LPP: variants seen among roughly 807,000 people sequenced by gnomAD.
The protein encoded by LPP is lipoma-preferred partner.
Under a neutral mutation model 60.4 loss-of-function variants are expected in LPP, and 38 were observed. The observed-to-expected ratio is 0.63, with a 90% CI of 0.49 to 0.83. LPP has a LOEUF of 0.83. Among genes scored for constraint, LPP ranks in the 40% least tolerant of loss-of-function variants. LPP has a pLI of 0.00. For synonymous variants in LPP, 328 were observed against 290.8 expected, an observed-to-expected ratio of 1.13 and a Z score of -1.30; for missense variants, 902 against 783.6, an observed-to-expected ratio of 1.15 and a Z score of -1.80.
At chr3:188,495,170 A>T (rs59082357) in intron 5 of LPP, among the ~76,000 whole-genome samples, 91,138 of 127,222 alleles carry the variant, frequency 0.72, 32,285 homozygotes, top group Middle Eastern at 0.89. Flanking sequence ...ATTTATATAT[A>T]TTTATAAATA....
chr3:188,667,906 G>T (rs561202206), intron 7 of LPP, among the ~76,000 whole-genome samples: 1 of 151,848 alleles, frequency 6.6e-6, no homozygotes, highest in Non-Finnish European at 1.5e-5. Flanking sequence ...AAGCCTTGAT[G>T]GTTGGAAATT....
intron 4 of LPP, among the ~76,000 whole-genome samples, chr3:188,465,619 G>A (rs1800191542): frequency 6.6e-6 from 1 of 152,122 alleles, no homozygotes; most frequent in African/African-American, 2.4e-5. Context: ...ATCTAGTTCA[G>A]TTTTGTCTAA....
intron 5 of LPP, among the ~76,000 whole-genome samples, chr3:188,500,173 T>C (rs1811414059): frequency 1.3e-5 from 2 of 152,232 alleles, no homozygotes; most frequent in South Asian, 4.1e-4. Flanking sequence ...CTGGTATTCC[T>C]AATCTTAGAG....
At chr3:188,168,754 A>T (rs1344639836) in intron 1 of LPP, among the ~76,000 whole-genome samples, 1 of 152,266 alleles carries the variant, frequency 6.6e-6, no homozygotes, top group Non-Finnish European at 1.5e-5. Context: ...TCTTGTTTAA[A>T]GTCAATTAAG....
In LPP at chr3:188,509,703, C is replaced by CT. The variant is rs1232780741; in HGVS notation, c.307-14949dup. On this transcript the variant is annotated intron_variant, in intron 5 of 11. Coordinates refer to ENST00000617246, the MANE Select transcript of LPP (RefSeq NM_001375462.1). ...CTTCCTTCCTCTCTCTCTCTCTTTT[C>CT]TTTTTTTTTTTTTGAGTCTCACTCT... Among the ~76,000 whole-genome samples, 80 of 93,312 alleles carry CT rather than the reference C, an allele frequency of 8.6e-4. 10 individuals carry two copies. The highest frequency in any genetic ancestry group is 2.9e-3 in the South Asian group (8 of 2,776). 61.2% of individuals were successfully genotyped at this position (93,312 alleles called of 152,430 possible).
chr3:188,416,879 G>C (rs1257208950), intron 4 of LPP, among the ~76,000 whole-genome samples: 4 of 151,994 alleles, frequency 2.6e-5, no homozygotes, highest in Non-Finnish European at 5.9e-5. Context: ...GGTCACAGTA[G>C]GCCTATGTAA....
intron 1 of LPP, among the ~76,000 whole-genome samples, chr3:188,214,415 G>A (rs914189070): frequency 3.3e-5 from 5 of 152,214 alleles, no homozygotes; most frequent in African/African-American, 7.2e-5. Context: ...ACAGGCATGA[G>A]CTGCTGCACC....
chr3:188,334,413 T>C (rs1272603021), intron 2 of LPP, among the ~76,000 whole-genome samples: 1 of 145,204 alleles, frequency 6.9e-6, no homozygotes. Context: ...GATCTTACGA[T>C]ATTTCTTTCT....
At chr3:188,460,134 A>G (rs1331161842) in intron 4 of LPP, among the ~76,000 whole-genome samples, 1 of 152,164 alleles carries the variant, frequency 6.6e-6, no homozygotes, top group East Asian at 1.9e-4. Flanking sequence ...ATTTACAGAC[A>G]TCTTTCTATT....
At chr3:188,216,038 G>T (rs1365700378) in intron 1 of LPP, among the ~76,000 whole-genome samples, 1 of 152,020 alleles carries the variant, frequency 6.6e-6, no homozygotes, top group Admixed American at 6.6e-5. Flanking sequence ...CTTATTTTTT[G>T]TATCCCTTTC....
At chr3:188,573,568 T>C (rs1833974067) in intron 6 of LPP, among the ~76,000 whole-genome samples, 1 of 152,132 alleles carries the variant, frequency 6.6e-6, no homozygotes, top group Non-Finnish European at 1.5e-5. Flanking sequence ...ATTTAACCTT[T>C]CTATTTTGGG....
intron 5 of LPP, among the ~76,000 whole-genome samples, chr3:188,490,509 C>T (rs776087421): frequency 1.8e-4 from 27 of 151,572 alleles, no homozygotes; most frequent in Non-Finnish European, 2.5e-4. Flanking sequence ...TTTATAAGCA[C>T]GCCCCACCAA....
At chr3:188,674,538 C>A (rs968492471) in intron 7 of LPP, among the ~76,000 whole-genome samples, 2 of 152,146 alleles carry the variant, frequency 1.3e-5, no homozygotes, top group East Asian at 3.8e-4. Context: ...AACACTGCTG[C>A]ACCGAAGCTC....
chr3:188,842,104 G>A (rs1021035952), intron 9 of LPP, among the ~76,000 whole-genome samples: 2 of 152,058 alleles, frequency 1.3e-5, no homozygotes, highest in African/African-American at 4.8e-5. Flanking sequence ...GGTGAGAGAG[G>A]GCTAATTTAC....
intron 9 of LPP, among the ~76,000 whole-genome samples, chr3:188,765,662 T>C (rs1026032249): frequency 6.6e-6 from 1 of 152,120 alleles, no homozygotes; most frequent in African/African-American, 2.4e-5. Flanking sequence ...ATTTACACTT[T>C]ATTGCTTGGC....
chr3:188,607,406 TATATATATATAA>T (rs1168616803), intron 6 of LPP, among the ~76,000 whole-genome samples: 2,273 of 51,892 alleles, frequency 0.044, 101 homozygotes, highest in Middle Eastern at 0.097. Context: ...TATATATATA[TATATATATATAA>T]TTTTTTTTTC....
chr3:188,681,691 C>T (rs548140150), intron 7 of LPP, among the ~76,000 whole-genome samples: 4 of 152,208 alleles, frequency 2.6e-5, no homozygotes, highest in Admixed American at 1.3e-4. Context: ...GGAAGGAAAT[C>T]GTGTAATTGC....
intron 5 of LPP, among the ~76,000 whole-genome samples, chr3:188,507,607 A>G (rs1277981365): frequency 6.6e-6 from 1 of 152,158 alleles, no homozygotes; most frequent in Non-Finnish European, 1.5e-5. Flanking sequence ...CATGCAGAAC[A>G]GGAGACCAGA....
At chr3:188,167,021 G>A (rs937421207) in intron 1 of LPP, among the ~76,000 whole-genome samples, 9 of 152,178 alleles carry the variant, frequency 5.9e-5, no homozygotes, top group African/African-American at 2.2e-4. Context: ...TACATGGATG[G>A]TTTGGAGAGT....
Sources: allele counts gnomAD v4.1 joint callset (sites outside exome capture counted in the v4.1 genomes callset), GRCh38; gene constraint gnomAD v4.1.1; transcripts MANE v1.5; gene names NCBI Gene and HGNC (gene_info 2026-07-23, HGNC 2026-07-21).